CGNL1: variants seen among roughly 807,000 people sequenced by gnomAD.
CGNL1 encodes cingulin-like protein 1.
Under a neutral mutation model 141.2 loss-of-function variants are expected in CGNL1, and 132 were observed. That is an observed-to-expected ratio of 0.93 (90% CI 0.81 to 1.08). CGNL1 has a LOEUF of 1.08. Among genes scored for constraint, CGNL1 ranks in the 50% least tolerant of loss-of-function variants. The pLI is 0.00. For missense variants in CGNL1, 1,870 were observed against 1,588.6 expected (o/e 1.18, Z -3.01); for synonymous variants, 690 against 622.1 (o/e 1.11, Z -1.63).
chr15:57,436,275 T>G (rs1051935780), intron 1 of CGNL1, among the ~76,000 whole-genome samples: 2 of 152,324 alleles, frequency 1.3e-5, no homozygotes, highest in Middle Eastern at 3.4e-3. Flanking sequence ...GCCATATGAT[T>G]AAGTTCTCAC....
intron 10 of CGNL1, among the ~76,000 whole-genome samples, chr15:57,523,275 G>A (rs1255844159): frequency 6.6e-6 from 1 of 152,216 alleles, no homozygotes; most frequent in African/African-American, 2.4e-5. Flanking sequence ...TCCTGTGGAT[G>A]TTTTTGGGTA....
At chr15:57,451,433 G>T in intron 4 of CGNL1, 67 bp from the exon 5 acceptor site, 1 of 1,105,434 alleles carries the variant, frequency 9.0e-7, no homozygotes, top group Non-Finnish European at 1.4e-6. Flanking sequence ...TATATTTGGA[G>T]GGGGAAGATA....
At chr15:57,389,565 G>A (rs2062519670) in intron 1 of CGNL1, among the ~76,000 whole-genome samples, 2 of 152,192 alleles carry the variant, frequency 1.3e-5, no homozygotes, top group East Asian at 3.8e-4. Context: ...ACGTGCAGGA[G>A]TTAGTTACCT....
chr15:57,528,644 C>G lies in CGNL1; in HGVS notation c.3040-10C>G, dbSNP rs371950141. On this transcript the variant is annotated splice_polypyrimidine_tract_variant and intron_variant, in intron 12 of 18. Coordinates refer to ENST00000281282, the MANE Select transcript of CGNL1 (RefSeq NM_032866.5). The stretch of plus-strand genomic sequence containing the variant: ...CCCCAGAAAACCATCCCAGCTGTCT[C>G]TCCTCCTAGATGCGTCTGATGGAGG... The G allele has an allele frequency of 1.9e-6, 3 of 1,613,710 alleles. No individual in the cohort carries two copies. Among genetic ancestry groups the G allele is most frequent in the Non-Finnish European group, 2.5e-6 (3 of 1,179,764 alleles).
chr15:57,398,170 A>T (rs969280305), intron 1 of CGNL1, among the ~76,000 whole-genome samples: 2 of 152,276 alleles, frequency 1.3e-5, no homozygotes, highest in East Asian at 3.8e-4. Flanking sequence ...AAATACAGAA[A>T]AGTATAAGAT....
At chr15:57,382,109 A>G (rs1369276166) in intron 1 of CGNL1, among the ~76,000 whole-genome samples, 2 of 152,200 alleles carry the variant, frequency 1.3e-5, no homozygotes, top group Non-Finnish European at 2.9e-5. Context: ...GTGCACATCC[A>G]ATTCCTGTTT....
intron 1 of CGNL1, among the ~76,000 whole-genome samples, chr15:57,398,791 A>G (rs1365665851): frequency 6.6e-6 from 1 of 152,164 alleles, no homozygotes; most frequent in East Asian, 1.9e-4. Flanking sequence ...AATAGAGAAC[A>G]CCGTACTTTA....
intron 8 of CGNL1, among the ~76,000 whole-genome samples, chr15:57,504,897 G>C (rs1004897796): frequency 4.6e-5 from 7 of 152,224 alleles, no homozygotes; most frequent in Non-Finnish European, 8.8e-5. Context: ...CATGGGGCCT[G>C]TTTGGTCAGC....
chr15:57,518,300 A>T, intron 9 of CGNL1, 93 bp from the exon 10 acceptor site: 4 of 897,106 alleles, frequency 4.5e-6, no homozygotes, highest in Non-Finnish European at 7.1e-6. Context: ...TGCCATATCT[A>T]TGGGTGTCTT....
chr15:57,416,170 A>C, intron 1 of CGNL1, among the ~76,000 whole-genome samples: 1 of 149,988 alleles, frequency 6.7e-6, no homozygotes, highest in East Asian at 1.9e-4. Context: ...CCCTTGAAGC[A>C]GCCACCCTCT....
At chr15:57,450,900 A>G (rs1350733124) in intron 4 of CGNL1, among the ~76,000 whole-genome samples, 1 of 152,180 alleles carries the variant, frequency 6.6e-6, no homozygotes, top group Middle Eastern at 3.2e-3. Flanking sequence ...GGTTCTGTAG[A>G]TACAGAGGTG....
At chr15:57,538,951 C>T (rs1183803514) in intron 14 of CGNL1, among the ~76,000 whole-genome samples, 1 of 152,194 alleles carries the variant, frequency 6.6e-6, no homozygotes, top group Non-Finnish European at 1.5e-5. Context: ...AAGCTGCTTC[C>T]ACCTAACTCT....
chr15:57,491,311 G>A (rs532230025), intron 8 of CGNL1, among the ~76,000 whole-genome samples: 1 of 152,174 alleles, frequency 6.6e-6, no homozygotes, highest in East Asian at 1.9e-4. Flanking sequence ...CCTACCTGGG[G>A]GAATATTCTA....
chr15:57,517,909 G>A (rs1359370383), intron 9 of CGNL1, among the ~76,000 whole-genome samples: 4 of 143,008 alleles, frequency 2.8e-5, no homozygotes, highest in African/African-American at 1.0e-4. Context: ...AGGACCACCT[G>A]GATACCTTTT....
chr15:57,506,244 T>A (rs1156794828), intron 8 of CGNL1, among the ~76,000 whole-genome samples: 1 of 152,230 alleles, frequency 6.6e-6, no homozygotes, highest in East Asian at 1.9e-4. Flanking sequence ...CAGGGCATTG[T>A]CTGGGTGGAG....
chr15:57,493,624 A>G (rs2063897115), intron 8 of CGNL1, among the ~76,000 whole-genome samples: 1 of 152,158 alleles, frequency 6.6e-6, no homozygotes, highest in Non-Finnish European at 1.5e-5. Context: ...TAGAATGAAG[A>G]CGCATGAGTT....
chr15:57,509,873 T>G (rs1461363598), intron 8 of CGNL1, among the ~76,000 whole-genome samples: 3 of 152,264 alleles, frequency 2.0e-5, no homozygotes, highest in Non-Finnish European at 1.5e-5. Flanking sequence ...GCTGTTTGGC[T>G]GTTTTAGAAG....
In CGNL1 at chr15:57,550,641, T is replaced by G. The variant is rs1459825198; in HGVS notation, c.*3151T>G. ...TTGTCATGAGAAAGAGACATTCTCC[T>G]TGCAGCTACCTCCATGTGAGTGAAT... On this transcript the variant is annotated 3_prime_UTR_variant, in exon 19 of 19. Transcript: ENST00000281282. 2 of 152,694 alleles carry G rather than the reference T, an allele frequency of 1.3e-5. No homozygotes were observed. The highest frequency in any genetic ancestry group is 3.9e-4 in the East Asian group (2 of 5,192). 9.5% of individuals were successfully genotyped at this position (152,694 alleles called of 1,614,324 possible).
intron 8 of CGNL1, among the ~76,000 whole-genome samples, chr15:57,503,577 G>A (rs2064057931): frequency 6.6e-6 from 1 of 152,108 alleles, no homozygotes; most frequent in Non-Finnish European, 1.5e-5. Context: ...AGGGCAGGCT[G>A]GCTAAAGGCT....
Sources: allele counts gnomAD v4.1 joint callset (sites outside exome capture counted in the v4.1 genomes callset), GRCh38; gene constraint gnomAD v4.1.1; transcripts MANE v1.5; gene names NCBI Gene and HGNC (gene_info 2026-07-23, HGNC 2026-07-21).